SDK1: variants seen among roughly 807,000 people sequenced by gnomAD.
SDK1 encodes the protein protein sidekick-1.
In SDK1, 157 loss-of-function variants were observed where a neutral mutation model predicts 245.5. That is an observed-to-expected ratio of 0.64 (90% CI 0.56 to 0.73). SDK1 has a LOEUF of 0.73. SDK1 is among the 30% of genes least tolerant of loss of function. SDK1 has a pLI of 0.00. For synonymous variants in SDK1, 1,647 were observed against 1,278.5 expected, an observed-to-expected ratio of 1.29 and a Z score of -6.15; for missense variants, 3,583 against 3,002.3, an observed-to-expected ratio of 1.19 and a Z score of -4.52.
intron 4 of SDK1, among the ~76,000 whole-genome samples, chr7:3,654,404 C>T (rs1355211158): frequency 6.6e-6 from 1 of 152,178 alleles, no homozygotes; most frequent in African/African-American, 2.4e-5. Context: ...TATTCCAGAG[C>T]CTCACCGTGC....
chr7:3,325,481 TG>T (rs1239304256), intron 1 of SDK1, among the ~76,000 whole-genome samples: 1 of 152,136 alleles, frequency 6.6e-6, no homozygotes, highest in Non-Finnish European at 1.5e-5. Flanking sequence ...AATTTAAGCG[TG>T]GCACTTAAGA....
chr7:4,213,368 C>G (rs1367402959), intron 38 of SDK1, among the ~76,000 whole-genome samples: 1 of 150,936 alleles, frequency 6.6e-6, no homozygotes, highest in Admixed American at 6.6e-5. Context: ...GCCGAGATCG[C>G]GCCACTGCAC....
At chr7:3,440,264 T>G (rs1471083579) in intron 1 of SDK1, among the ~76,000 whole-genome samples, 1 of 152,168 alleles carries the variant, frequency 6.6e-6, no homozygotes, top group Non-Finnish European at 1.5e-5. Context: ...CAGGTTTGCA[T>G]TCAGGTATAT....
At chr7:4,013,505 A>T (rs925189206) in intron 16 of SDK1, among the ~76,000 whole-genome samples, 1 of 152,224 alleles carries the variant, frequency 6.6e-6, no homozygotes, top group Non-Finnish European at 1.5e-5. Context: ...TTCAGCAGAC[A>T]GATGTAATTT....
chr7:3,836,876 C>A (rs920519040), intron 5 of SDK1, among the ~76,000 whole-genome samples: 1 of 152,104 alleles, frequency 6.6e-6, no homozygotes, highest in African/African-American at 2.4e-5. Context: ...ACCAGCTTTG[C>A]CAGCCAGGTT....
chr7:3,347,550 T>C (rs1321275169), intron 1 of SDK1, among the ~76,000 whole-genome samples: 5 of 152,172 alleles, frequency 3.3e-5, no homozygotes, highest in South Asian at 2.1e-4. Flanking sequence ...TTCCTAGATA[T>C]TTTCAACCTC....
chr7:4,139,394 T>C (rs1036085579), intron 28 of SDK1, among the ~76,000 whole-genome samples: 6 of 151,340 alleles, frequency 4.0e-5, no homozygotes, highest in African/African-American at 1.5e-4. Flanking sequence ...TACGTGTGTG[T>C]GTATATGTGT....
chr7:3,638,924 G>A, intron 2 of SDK1, 80 bp from the exon 3 acceptor site: 1 of 795,322 alleles, frequency 1.3e-6, no homozygotes, highest in Non-Finnish European at 2.0e-6. Flanking sequence ...AGTGCTGTTT[G>A]ATAAAATAGC....
intron 1 of SDK1, among the ~76,000 whole-genome samples, chr7:3,443,835 G>C (rs1317940089): frequency 6.6e-6 from 1 of 152,170 alleles, no homozygotes; most frequent in African/African-American, 2.4e-5. Flanking sequence ...ATCACCATTG[G>C]AAGTTGTATA....
chr7:4,237,189 G>A (rs187109983), intron 41 of SDK1, among the ~76,000 whole-genome samples: 1 of 152,178 alleles, frequency 6.6e-6, no homozygotes, highest in Non-Finnish European at 1.5e-5. Context: ...TCTGTGCCTG[G>A]CTGTTTTTTT....
rs950399231 is a variant in SDK1, at chr7:3,586,123, G to A, written c.299-32957G>A. Among the ~76,000 whole-genome samples the A allele has an allele frequency of 5.9e-5, 9 of 151,972 alleles. No individual in the cohort carries two copies. The East Asian group carries it at 1.6e-3, about 26-fold the overall frequency. ...AGGGAGGTGTGTAGAGTCGCTGGGG[G>A]AGAGAGCGCTGAGGGCTTCACCATT... On this transcript the variant is annotated intron_variant, in intron 1 of 44. Coordinates refer to ENST00000404826, the MANE Select transcript of SDK1 (RefSeq NM_152744.4).
intron 4 of SDK1, among the ~76,000 whole-genome samples, chr7:3,753,723 A>C (rs1445274139): frequency 6.6e-6 from 1 of 152,122 alleles, no homozygotes; most frequent in African/African-American, 2.4e-5. Flanking sequence ...GAAATGCATG[A>C]AGTGACAGGC....
chr7:4,159,256 C>A (rs1397780846), intron 31 of SDK1, among the ~76,000 whole-genome samples: 1 of 152,228 alleles, frequency 6.6e-6, no homozygotes. Flanking sequence ...AACCAATTTC[C>A]AGCTGGCTCA....
chr7:3,501,920 G>T (rs1044397599), intron 1 of SDK1, among the ~76,000 whole-genome samples: 23 of 151,864 alleles, frequency 1.5e-4, no homozygotes, highest in African/African-American at 5.3e-4. Context: ...TCTTATTCTT[G>T]GTTAATGTTT....
At chr7:3,853,088 C>T (rs977028240) in intron 5 of SDK1, among the ~76,000 whole-genome samples, 1 of 151,976 alleles carries the variant, frequency 6.6e-6, no homozygotes, top group African/African-American at 2.4e-5. Flanking sequence ...AAAGTTAGTT[C>T]TCCACGTACG....
intron 4 of SDK1, among the ~76,000 whole-genome samples, chr7:3,689,674 C>T (rs967465321): frequency 6.6e-6 from 1 of 152,190 alleles, no homozygotes; most frequent in Non-Finnish European, 1.5e-5. Flanking sequence ...CAGATTTCCT[C>T]TCTGTTTCTT....
intron 1 of SDK1, among the ~76,000 whole-genome samples, chr7:3,503,220 G>A (rs1437840937): frequency 3.3e-5 from 5 of 152,168 alleles, no homozygotes; most frequent in African/African-American, 4.8e-5. Context: ...CCTGGAAGAA[G>A]AAGAAGTAAG....
rs930423279 is a variant in SDK1 at position 4,017,489 on chromosome 7, G to A, written c.2602+137G>A. 9.3e-6 allele frequency: 6 copies of A among 646,976 alleles called. No individual in the cohort carries two copies. In the Admixed American group the frequency reaches 9.9e-5, roughly 11 times the overall value. 40.1% of individuals were successfully genotyped at this position (646,976 alleles called of 1,614,324 possible). ...GAGCGTTTACAAGAAAATTCATCACGTATTTAATGGGATCTCTCCAGCTAT... is the reference window on the plus strand; with the variant it reads ...GAGCGTTTACAAGAAAATTCATCACATATTTAATGGGATCTCTCCAGCTAT... On this transcript the variant is annotated intron_variant, in intron 17 of 44. Transcript: ENST00000404826.
At chr7:3,520,430 C>G (rs1422881404) in intron 1 of SDK1, among the ~76,000 whole-genome samples, 1 of 152,160 alleles carries the variant, frequency 6.6e-6, no homozygotes, top group Non-Finnish European at 1.5e-5. Flanking sequence ...TAAAAGCTCT[C>G]TGTACACAGC....
Sources: gnomAD v4.1 joint callset for allele counts (sites outside exome capture counted in the v4.1 genomes callset) on GRCh38, gnomAD v4.1.1 for gene constraint, MANE v1.5 for transcripts, NCBI Gene and HGNC (gene_info 2026-07-23, HGNC 2026-07-21) for gene names.